PAG1: variants seen among roughly 807,000 people sequenced by gnomAD.
PAG1 encodes the protein phosphoprotein associated with glycosphingolipid-enriched microdomains 1.
A neutral mutation model predicts 31.7 loss-of-function variants in PAG1; 23 were observed. The observed-to-expected ratio is 0.73, with a 90% CI of 0.52 to 1.03. The LOEUF (loss-of-function observed/expected upper bound fraction) is 1.03. Among genes scored for constraint, PAG1 ranks in the 50% least tolerant of loss-of-function variants. The probability of loss-of-function intolerance (pLI) is 0.00; values close to 1 mark genes in which losing one functional copy is unlikely to be tolerated. For synonymous variants in PAG1, 214 were observed against 210.3 expected, an observed-to-expected ratio of 1.02 and a Z score of -0.15; for missense variants, 473 against 540.7, an observed-to-expected ratio of 0.87 and a Z score of 1.24.
intron 2 of PAG1, among the ~76,000 whole-genome samples, chr8:81,061,367 T>C (rs1258326880): frequency 2.0e-5 from 3 of 152,226 alleles, no homozygotes; most frequent in African/African-American, 4.8e-5. Context: ...TTAAGCTCTC[T>C]TGTGGCTGGA....
At chr8:81,004,186 T>G (rs1807835445) in intron 3 of PAG1, among the ~76,000 whole-genome samples, 1 of 152,310 alleles carries the variant, frequency 6.6e-6, no homozygotes, top group Non-Finnish European at 1.5e-5. Flanking sequence ...ACACTTCTCC[T>G]GAAAGCTTCC....
chr8:80,990,773 G>A lies in PAG1; in HGVS notation c.177+706C>T, dbSNP rs1807529738. 6.6e-6 allele frequency among the ~76,000 whole-genome samples: 1 copy of A among 152,130 alleles called. No individual in the cohort carries two copies. The highest frequency in any genetic ancestry group is 2.1e-4 in the South Asian group (1 of 4,810). Reference sequence around the variant, plus strand: ...TGTTGTGGGTCCCAAGCTCCCTCCAGCTTAATGACCTGTTGTTATGGGTTG... The same window carrying A: ...TGTTGTGGGTCCCAAGCTCCCTCCAACTTAATGACCTGTTGTTATGGGTTG... On this transcript the variant is annotated intron_variant, in intron 5 of 8. Transcript: ENST00000220597. This position sits in a 1 kb window ranked among gnomAD's most constrained non-coding sequence, Gnocchi z 5.1.
intron 3 of PAG1, among the ~76,000 whole-genome samples, chr8:81,024,572 T>A (rs1027430991): frequency 6.6e-6 from 1 of 152,152 alleles, no homozygotes; most frequent in Non-Finnish European, 1.5e-5. Flanking sequence ...AGGTTCCAAA[T>A]CTTGGTGCCA....
intron 2 of PAG1, among the ~76,000 whole-genome samples, chr8:81,038,278 C>T (rs1808495269): frequency 6.6e-6 from 1 of 152,146 alleles, no homozygotes; most frequent in African/African-American, 2.4e-5. Context: ...AGATGCCAAA[C>T]ATTCACAAAA....
At chr8:81,057,703 C>T (rs567573567) in intron 2 of PAG1, among the ~76,000 whole-genome samples, 1 of 151,918 alleles carries the variant, frequency 6.6e-6, no homozygotes, top group East Asian at 1.9e-4. Flanking sequence ...TACCCTAGGA[C>T]TTAAAGTATA....
chr8:81,108,421 T>C (rs191101706), intron 1 of PAG1, among the ~76,000 whole-genome samples: 49 of 152,292 alleles, frequency 3.2e-4, no homozygotes, highest in African/African-American at 1.0e-3. Context: ...AGTAGAACTC[T>C]CGAAGAGTTT....
Position 81,111,691 on chromosome 8 carries a change from C to G in PAG1, c.-334G>C, listed in dbSNP as rs1328115508. On this transcript the variant is annotated 5_prime_UTR_variant, in exon 1 of 9. Transcript: ENST00000220597. ...CCGCCGCCCCGGCACAGCCCGGCAG[C>G]AGCGGCAAGTGCAGGACCAGGCGCC... 1 of 152,394 alleles carries G rather than the reference C, an allele frequency of 6.6e-6. No individual in the cohort carries two copies. The highest frequency in any genetic ancestry group is 1.5e-5 in the Non-Finnish European group (1 of 68,194). The allele number at this position is 152,394 out of a possible 1,614,324, so 9.4% of individuals were successfully genotyped here. A position where few individuals can be genotyped will look rare whatever the true frequency, so the allele number is the denominator to read the frequency against.
Position 80,990,160 on chromosome 8 carries a change from T to G in PAG1, c.177+1319A>C. On this transcript the variant is annotated intron_variant, in intron 5 of 8. Transcript: ENST00000220597. The surrounding 1 kb of genome is among the most constrained non-coding windows in gnomAD (Gnocchi z 5.1). ...GATGGGAACAGGGCGAGAAACAGAG[T>G]AAAGGGAGGAGTGGTGATGAGGGCC... Among the ~76,000 whole-genome samples the G allele has an allele frequency of 1.4e-5, 2 of 146,334 alleles. No individual in the cohort carries two copies. The highest frequency in any genetic ancestry group is 5.1e-5 in the African/African-American group (2 of 39,244).
chr8:81,018,846 G>A (rs902951735), intron 3 of PAG1, among the ~76,000 whole-genome samples: 1 of 152,192 alleles, frequency 6.6e-6, no homozygotes, highest in Non-Finnish European at 1.5e-5. Flanking sequence ...CTGCTATAAA[G>A]ATACCTGAAA....
intron 2 of PAG1, among the ~76,000 whole-genome samples, chr8:81,034,121 A>G (rs895477384): frequency 2.0e-5 from 3 of 152,244 alleles, no homozygotes; most frequent in African/African-American, 7.2e-5. Flanking sequence ...TTTAAAAGAA[A>G]CTTAAAGGTC....
In PAG1 at chr8:80,971,105, T is replaced by TA. The variant is rs1807068626; in HGVS notation, c.*5438dup. 6.6e-6 allele frequency: 1 copy of TA among 152,206 alleles called. No homozygotes were observed. Among genetic ancestry groups the TA allele is most frequent in the Admixed American group, 6.5e-5 (1 of 15,282 alleles). The allele number at this position is 152,206 out of a possible 1,614,324, so 9.4% of individuals were successfully genotyped here. A position where few individuals can be genotyped will look rare whatever the true frequency, so the allele number is the denominator to read the frequency against. ...AGTAATCACAAAATGTTCAAGCTAA[T>TA]AAGAGATATTTTTGGTCTTAAAACT... is the stretch of plus-strand genomic sequence containing the variant. On this transcript the variant is annotated 3_prime_UTR_variant, in exon 9 of 9. Coordinates refer to ENST00000220597, the MANE Select transcript of PAG1 (RefSeq NM_018440.4).
Position 80,996,586 on chromosome 8 carries a change from G to A in PAG1, c.-80-3279C>T, listed in dbSNP as rs561455933. Among the ~76,000 whole-genome samples, 33 of 152,234 alleles carry A rather than the reference G, an allele frequency of 2.2e-4. No individual in the cohort carries two copies. In the South Asian group the frequency reaches 3.5e-3, roughly 16 times the overall value. ...ATGGACTTCCTGGTAAATGTGTGTC[G>A]GTGGACCGGCTCCTCCCCTGTGCAT... On this transcript the variant is annotated intron_variant, in intron 3 of 8. Transcript: ENST00000220597.
chr8:80,985,358 AG>A lies in PAG1; in HGVS notation c.293del (p.Thr98IlefsTer2). The A allele has an allele frequency of 6.2e-7, 1 of 1,613,032 alleles. No homozygotes were observed. The highest frequency in any genetic ancestry group is 1.1e-5 in the South Asian group (1 of 91,000). ...TNGDILSEDS[T>X]LTCMQHYEEV... The stretch of plus-strand genomic sequence containing the variant: ...CCTCGTAATGCTGCATGCAGGTCAG[AG>A]TACTGTCCTCTGAAAGAACTAAAGC... On this transcript the variant is annotated frameshift_variant, in exon 7 of 9. Transcript: ENST00000220597. LOFTEE classifies it high-confidence loss of function.
chr8:81,054,323 C>T (rs944619804), intron 2 of PAG1, among the ~76,000 whole-genome samples: 1 of 152,194 alleles, frequency 6.6e-6, no homozygotes, highest in Non-Finnish European at 1.5e-5. Flanking sequence ...GTTATTTAAC[C>T]TCTGAGGCTC....
In PAG1 at chr8:80,984,769, T is replaced by A. The variant is rs1563616343; in HGVS notation, c.876+7A>T. ...CACAAAGACAAAACAAAAACGCCAGTGCCCACCTTGTTAGTTTCACTGGTC... is the reference window on the plus strand; with the variant it reads ...CACAAAGACAAAACAAAAACGCCAGAGCCCACCTTGTTAGTTTCACTGGTC... On this transcript the variant is annotated splice_region_variant and intron_variant, in intron 7 of 8. Transcript: ENST00000220597. The A allele has an allele frequency of 1.2e-6, 2 of 1,611,594 alleles. No individual in the cohort carries two copies. Among genetic ancestry groups the A allele is most frequent in the Non-Finnish European group, 1.7e-6 (2 of 1,178,562 alleles).
In PAG1 at chr8:80,990,978, C is replaced by T. The variant is rs890438053; in HGVS notation, c.177+501G>A. Among the ~76,000 whole-genome samples, 1 of 151,972 alleles carries T rather than the reference C, an allele frequency of 6.6e-6. No homozygotes were observed. Among genetic ancestry groups the T allele is most frequent in the African/African-American group, 2.4e-5 (1 of 41,310 alleles). ...TAAAATGGGGAAACTTGGACACAGCCAGCCATACATAGATGGGAGGTGATG... is the reference window on the plus strand; with the variant it reads ...TAAAATGGGGAAACTTGGACACAGCTAGCCATACATAGATGGGAGGTGATG... On this transcript the variant is annotated intron_variant, in intron 5 of 8. Coordinates refer to ENST00000220597, the MANE Select transcript of PAG1 (RefSeq NM_018440.4). This position sits in a 1 kb window ranked among gnomAD's most constrained non-coding sequence, Gnocchi z 5.1.
chr8:81,087,909 G>A (rs1809386191), intron 1 of PAG1, among the ~76,000 whole-genome samples: 1 of 152,206 alleles, frequency 6.6e-6, no homozygotes, highest in South Asian at 2.1e-4. Context: ...AAAGGGAAGA[G>A]ATCTGAGATG....
Position 80,987,419 on chromosome 8 carries a change from T to A in PAG1, c.225A>T (p.Thr75=). The change falls in exon 6 of 9, where the codon ACA becomes ACT. Residue 75 remains threonine (T), a synonymous_variant. Coordinates refer to ENST00000220597, the MANE Select transcript of PAG1 (RefSeq NM_018440.4). ...MFSRSVTSLA[T]DAPASSEQNG... ...TCTGCTCACTGCTGGCAGGAGCATC[T>A]GTTGCCAGGCTAGTAACTGAACGGC... The A allele has an allele frequency of 1.2e-6, 2 of 1,614,050 alleles. No homozygotes were observed. Among genetic ancestry groups the A allele is most frequent in the South Asian group, 2.2e-5 (2 of 91,076 alleles).
At position 80,976,666 on chromosome 8, in the gene PAG1, G is replaced by C. The variant is rs1170856997; in HGVS notation, c.1177C>G (p.Leu393Val). The change falls in exon 9 of 9, where the codon CTC becomes GTC. Residue 393 changes from leucine (L) to valine (V), a missense_variant. Coordinates refer to ENST00000220597, the MANE Select transcript of PAG1 (RefSeq NM_018440.4). ...PEPDYEAIQT[L>V]NREEEKATLG... ...GTGGCCTTTTCTTCCTCTCTGTTGA[G>C]AGTCTGTATCGCTTCATAATCAGGC... The C allele has an allele frequency of 6.2e-7, 1 of 1,614,078 alleles. No individual in the cohort carries two copies. Among genetic ancestry groups the C allele is most frequent in the African/African-American group, 1.3e-5 (1 of 74,920 alleles).
Sources: gnomAD v4.1 joint callset for allele counts (sites outside exome capture counted in the v4.1 genomes callset) on GRCh38, gnomAD v4.1.1 for gene constraint, Gnocchi (gnomAD v3.1) non-coding constraint, MANE v1.5 for transcripts, NCBI Gene and HGNC (gene_info 2026-07-23, HGNC 2026-07-21) for gene names.